Variants in CUX2 observed in about 807,000 individuals in gnomAD.
CUX2 encodes the protein homeobox protein cut-like 2.
CUX2 carries 40 observed loss-of-function variants against 144.8 expected under a neutral mutation model. That is an observed-to-expected ratio of 0.28 (90% CI 0.21 to 0.36). CUX2 has a LOEUF of 0.36. CUX2 is among the 10% of genes least tolerant of loss of function. The probability of loss-of-function intolerance (pLI) is 1.00; values close to 1 mark genes in which losing one functional copy is unlikely to be tolerated. For missense variants in CUX2, 1,615 were observed against 1,994.0 expected, an observed-to-expected ratio of 0.81 and a Z score of 3.62; for synonymous variants, 827 against 875.6, an observed-to-expected ratio of 0.94 and a Z score of 0.98.
At chr12:111,128,387 G>A (rs186156571) in intron 1 of CUX2, among the ~76,000 whole-genome samples, 14 of 152,270 alleles carry the variant, frequency 9.2e-5, no homozygotes, top group Admixed American at 5.9e-4. Context: ...AATTCTGTCA[G>A]TTTATCATAG....
At chr12:111,137,831 G>A (rs114022338) in intron 1 of CUX2, among the ~76,000 whole-genome samples, 83 of 152,338 alleles carry the variant, frequency 5.4e-4, no homozygotes, top group African/African-American at 1.9e-3. Flanking sequence ...CCCAGAATTT[G>A]CTTAGGGGTG....
intron 3 of CUX2, among the ~76,000 whole-genome samples, chr12:111,256,083 C>T (rs776985299): frequency 1.2e-4 from 19 of 152,058 alleles, no homozygotes; most frequent in African/African-American, 4.1e-4. Context: ...CCCTCTGGTA[C>T]ATCTGAGCAA....
chr12:111,123,761 C>A (rs995730741), intron 1 of CUX2, among the ~76,000 whole-genome samples: 10 of 151,972 alleles, frequency 6.6e-5, no homozygotes, highest in Admixed American at 5.2e-4. Context: ...ATTTCAAACT[C>A]CTGAGCTCAA....
chr12:111,173,185 G>A (rs570160308), intron 1 of CUX2, among the ~76,000 whole-genome samples: 18 of 152,338 alleles, frequency 1.2e-4, no homozygotes, highest in Non-Finnish European at 2.2e-4. Context: ...CATCTACTGC[G>A]TGGGAGTCTC....
chr12:111,092,805 ATTTTTTTTTTTTTT>A (rs528129107), intron 1 of CUX2, among the ~76,000 whole-genome samples: 2 of 106,028 alleles, frequency 1.9e-5, no homozygotes, highest in African/African-American at 3.4e-5. Context: ...GCTCTGGCAG[ATTTTTTTTTTTTTT>A]TTTTTTTTTT....
intron 1 of CUX2, among the ~76,000 whole-genome samples, chr12:111,117,502 G>A (rs1317719892): frequency 1.3e-5 from 2 of 152,142 alleles, no homozygotes; most frequent in African/African-American, 4.8e-5. Context: ...TCAACCACAA[G>A]AAGCCAATAA....
chr12:111,341,428 T>C (rs751459728), intron 20 of CUX2, among the ~76,000 whole-genome samples: 1 of 152,190 alleles, frequency 6.6e-6, no homozygotes, highest in African/African-American at 2.4e-5. Flanking sequence ...ACCGCTGTAC[T>C]CCAGGCTGGG....
intron 1 of CUX2, among the ~76,000 whole-genome samples, chr12:111,106,688 A>T (rs1873624285): frequency 6.6e-6 from 1 of 152,238 alleles, no homozygotes; most frequent in East Asian, 1.9e-4. Flanking sequence ...GCAATCCTGG[A>T]AGACTTCCGC....
chr12:111,324,492 G>C (rs1264780139), intron 18 of CUX2, among the ~76,000 whole-genome samples: 2 of 150,944 alleles, frequency 1.3e-5, no homozygotes, highest in East Asian at 4.0e-4. Context: ...TCTTTTTTTT[G>C]TTTTGTTTTG....
rs114889038 is a variant in CUX2, at chr12:111,053,661, C to T, written c.63+19421C>T. Among the ~76,000 whole-genome samples, 660 of 152,356 alleles carry T rather than the reference C, an allele frequency of 4.3e-3. 4 individuals carry two copies. The highest frequency in any genetic ancestry group is 0.015 in the African/African-American group (622 of 41,576). On this transcript the variant is annotated intron_variant, in intron 1 of 21. Coordinates refer to ENST00000261726, the MANE Select transcript of CUX2 (RefSeq NM_015267.4). ...CCCTGGCCCTCTTTCCCTGACTCTG[C>T]GCTGGGTTGGATGTCTTCTTTTAGG...
At chr12:111,239,072 A>G (rs995481705) in intron 3 of CUX2, among the ~76,000 whole-genome samples, 2 of 151,984 alleles carry the variant, frequency 1.3e-5, no homozygotes, top group African/African-American at 4.8e-5. Context: ...AAATGGCTCA[A>G]TTTACAGGTG....
At chr12:111,345,966 A>T (rs944785850) in intron 21 of CUX2, among the ~76,000 whole-genome samples, 1 of 144,150 alleles carries the variant, frequency 6.9e-6, no homozygotes, top group Non-Finnish European at 1.5e-5. Context: ...AAAAATTAGC[A>T]TGGTGACATG....
intron 3 of CUX2, among the ~76,000 whole-genome samples, chr12:111,236,209 A>G (rs138580553): frequency 5.3e-4 from 80 of 152,280 alleles, no homozygotes; most frequent in African/African-American, 1.9e-3. Flanking sequence ...TCCCATTGAG[A>G]CCAAACACTG....
intron 1 of CUX2, among the ~76,000 whole-genome samples, chr12:111,060,023 G>T (rs533973397): frequency 2.1e-3 from 319 of 152,266 alleles, no homozygotes; most frequent in Middle Eastern, 0.014. Context: ...AGTGTCCTTT[G>T]TTGATTCTCT....
intron 1 of CUX2, among the ~76,000 whole-genome samples, chr12:111,042,229 G>A (rs1200818263): frequency 6.6e-6 from 1 of 152,204 alleles, no homozygotes; most frequent in East Asian, 1.9e-4. Context: ...CATTATGGTC[G>A]ATTGACTTGC....
At chr12:111,339,081 A>G (rs1353181558) in intron 20 of CUX2, among the ~76,000 whole-genome samples, 1 of 151,904 alleles carries the variant, frequency 6.6e-6, no homozygotes, top group Non-Finnish European at 1.5e-5. Flanking sequence ...AAAAATAAAA[A>G]ATTAGCTGGG....
At chr12:111,133,412 G>A (rs1055836523) in intron 1 of CUX2, among the ~76,000 whole-genome samples, 1 of 152,162 alleles carries the variant, frequency 6.6e-6, no homozygotes, top group South Asian at 2.1e-4. Flanking sequence ...TTCATGGCAG[G>A]AGGCAAAAGG....
chr12:111,168,156 C>G (rs148971275), intron 1 of CUX2, among the ~76,000 whole-genome samples: 1 of 152,172 alleles, frequency 6.6e-6, no homozygotes, highest in Non-Finnish European at 1.5e-5. Context: ...GTCTCAGCGC[C>G]GTTCCTCCCC....
intron 1 of CUX2, among the ~76,000 whole-genome samples, chr12:111,046,634 G>T (rs978568128): frequency 6.6e-6 from 1 of 152,094 alleles, no homozygotes; most frequent in Non-Finnish European, 1.5e-5. Flanking sequence ...CACTATGTCA[G>T]TATTTTTCTC....
Sources: allele counts gnomAD v4.1 joint callset (sites outside exome capture counted in the v4.1 genomes callset), GRCh38; gene constraint gnomAD v4.1.1; transcripts MANE v1.5; gene names NCBI Gene and HGNC (gene_info 2026-07-23, HGNC 2026-07-21).